AK5: variants seen among roughly 807,000 people sequenced by gnomAD.
The protein encoded by AK5 is adenylate kinase isoenzyme 5.
A neutral mutation model predicts 69.5 loss-of-function variants in AK5; 27 were observed. The observed-to-expected ratio is 0.39, with a 90% confidence interval of 0.29 to 0.54. The LOEUF (loss-of-function observed/expected upper bound fraction) is 0.54, where lower values mean the gene tolerates loss of function less well. AK5 is among the 20% of genes least tolerant of loss of function. The pLI, the probability that AK5 is intolerant of heterozygous loss-of-function variation, is 0.71. For missense variants in AK5, 531 were observed against 700.4 expected (o/e 0.76, Z 2.73); for synonymous variants, 260 against 244.4 (o/e 1.06, Z -0.60).
At chr1:77,468,936 G>A (rs957361515) in intron 8 of AK5, among the ~76,000 whole-genome samples, 3 of 152,202 alleles carry the variant, frequency 2.0e-5, no homozygotes, top group Non-Finnish European at 2.9e-5. Context: ...AACCAACCTG[G>A]TAGCTGTCTT....
chr1:77,415,787 G>C (rs1650386453), intron 7 of AK5, among the ~76,000 whole-genome samples: 3 of 152,170 alleles, frequency 2.0e-5, no homozygotes, highest in African/African-American at 7.2e-5. Flanking sequence ...GATTGCCCTT[G>C]CTTAGAATTT....
At chr1:77,409,183 T>A (rs1372383209) in intron 6 of AK5, among the ~76,000 whole-genome samples, 8 of 152,236 alleles carry the variant, frequency 5.3e-5, no homozygotes, top group Non-Finnish European at 1.5e-5. Context: ...TTTAGGTTGA[T>A]TCCATGTATT....
chr1:77,373,780 A>G (rs6659899), intron 6 of AK5, among the ~76,000 whole-genome samples: 28,322 of 152,046 alleles, frequency 0.19, 2,956 homozygotes, highest in Middle Eastern at 0.31. Flanking sequence ...TCCTTAACAG[A>G]TAGTCATCTA....
At position 77,417,727 on chromosome 1, in the gene AK5, C is replaced by A; in HGVS notation, c.1059+12C>A. The A allele has an allele frequency of 1.3e-6, 2 of 1,511,580 alleles. No individual in the cohort carries two copies. Among genetic ancestry groups the A allele is most frequent in the South Asian group, 2.3e-5 (2 of 85,960 alleles). 93.6% of individuals were successfully genotyped at this position (1,511,580 alleles called of 1,614,324 possible). On this transcript the variant is annotated intron_variant, in intron 8 of 13. Coordinates refer to ENST00000354567, the MANE Select transcript of AK5 (RefSeq NM_174858.3). The stretch of plus-strand genomic sequence containing the variant: ...ATTATGAAGATCAGGTAATTAAAAT[C>A]TGAAAATAGTTCTCTATTTAAATGT...
At chr1:77,373,541 C>T (rs1386012395) in intron 6 of AK5, among the ~76,000 whole-genome samples, 3 of 152,056 alleles carry the variant, frequency 2.0e-5, no homozygotes, top group Middle Eastern at 3.2e-3. Context: ...GCCTGGCCAA[C>T]ATGGTGAAAC....
At chr1:77,309,041 C>T (rs1041698927) in intron 5 of AK5, among the ~76,000 whole-genome samples, 8 of 149,986 alleles carry the variant, frequency 5.3e-5, no homozygotes, top group African/African-American at 2.0e-4. Flanking sequence ...AACACATAGA[C>T]ACAGGAAGAG....
intron 6 of AK5, among the ~76,000 whole-genome samples, chr1:77,378,839 G>A (rs977251793): frequency 6.6e-6 from 1 of 152,186 alleles, no homozygotes; most frequent in African/African-American, 2.4e-5. Flanking sequence ...GCTGAGGGGA[G>A]TTTTAGATAG....
At chr1:77,543,871 G>A (rs1258542041) in intron 13 of AK5, among the ~76,000 whole-genome samples, 1 of 152,142 alleles carries the variant, frequency 6.6e-6, no homozygotes, top group Non-Finnish European at 1.5e-5. Context: ...ATCTGCAGGT[G>A]CAGAACTTTG....
chr1:77,470,187 A>G (rs1035378372), intron 8 of AK5, among the ~76,000 whole-genome samples: 12 of 152,194 alleles, frequency 7.9e-5, no homozygotes, highest in Admixed American at 3.3e-4. Context: ...CGTCTGTTGC[A>G]CTACCTGTCA....
At chr1:77,389,998 T>A (rs1648314742) in intron 6 of AK5, among the ~76,000 whole-genome samples, 1 of 152,108 alleles carries the variant, frequency 6.6e-6, no homozygotes, top group Non-Finnish European at 1.5e-5. Flanking sequence ...AAAAAGAGTA[T>A]AATTTCATGG....
chr1:77,358,509 T>C (rs561094335), intron 6 of AK5, among the ~76,000 whole-genome samples: 4 of 152,160 alleles, frequency 2.6e-5, no homozygotes, highest in Non-Finnish European at 5.9e-5. Context: ...TGCAGATCAC[T>C]CTGAGGATCT....
At chr1:77,448,718 C>G (rs1278422092) in intron 8 of AK5, among the ~76,000 whole-genome samples, 2 of 152,198 alleles carry the variant, frequency 1.3e-5, no homozygotes, top group African/African-American at 4.8e-5. Flanking sequence ...TTGCAGACAA[C>G]AAGAAGGAGG....
intron 8 of AK5, among the ~76,000 whole-genome samples, chr1:77,473,459 C>A (rs1214270846): frequency 6.6e-6 from 1 of 152,156 alleles, no homozygotes; most frequent in Non-Finnish European, 1.5e-5. Context: ...GATAGTTAAT[C>A]TGCCTCCACC....
At chr1:77,300,324 A>C (rs953982929) in intron 5 of AK5, among the ~76,000 whole-genome samples, 1 of 152,174 alleles carries the variant, frequency 6.6e-6, no homozygotes, top group Non-Finnish European at 1.5e-5. Flanking sequence ...ATTGTTTTCA[A>C]CCACACTTCT....
intron 8 of AK5, among the ~76,000 whole-genome samples, chr1:77,446,133 C>A (rs1171975056): frequency 6.6e-6 from 1 of 152,172 alleles, no homozygotes; most frequent in African/African-American, 2.4e-5. Flanking sequence ...AGTCCAATTT[C>A]ACTCTTTTGC....
intron 8 of AK5, among the ~76,000 whole-genome samples, chr1:77,470,848 TATATA>T (rs1654428904): frequency 2.3e-4 from 3 of 12,844 alleles, no homozygotes; most frequent in Non-Finnish European, 5.1e-4. Context: ...TATATATATA[TATATA>T]TATATATATA....
At chr1:77,427,786 G>C (rs555580839) in intron 8 of AK5, among the ~76,000 whole-genome samples, 103 of 152,320 alleles carry the variant, frequency 6.8e-4, no homozygotes, top group African/African-American at 2.4e-3. Flanking sequence ...CTGCTTTTCT[G>C]CTAAGAAAAG....
At chr1:77,413,592 C>T (rs1055189738) in intron 7 of AK5, among the ~76,000 whole-genome samples, 3 of 152,192 alleles carry the variant, frequency 2.0e-5, no homozygotes, top group African/African-American at 7.2e-5. Context: ...GGGCCTCCAT[C>T]TCCTTATCTA....
chr1:77,338,251 A>G (rs188134656), intron 5 of AK5, among the ~76,000 whole-genome samples: 6 of 152,252 alleles, frequency 3.9e-5, no homozygotes, highest in Non-Finnish European at 8.8e-5. Flanking sequence ...GCATGAGCCA[A>G]TGCACCTGGC....
Sources: gnomAD v4.1 joint callset for allele counts (sites outside exome capture counted in the v4.1 genomes callset) on GRCh38, gnomAD v4.1.1 for gene constraint, MANE v1.5 for transcripts, NCBI Gene and HGNC (gene_info 2026-07-23, HGNC 2026-07-21) for gene names.